FRMD4A: variants seen among roughly 807,000 people sequenced by gnomAD.
FRMD4A encodes the protein FERM domain containing 4A, also known as FERM domain-containing protein 4A.
In FRMD4A, 29 loss-of-function variants were observed where a neutral mutation model predicts 129.1. The ratio of observed to expected loss-of-function variants is 0.22; its 90% CI spans 0.17 to 0.31. The LOEUF is 0.31. Ranked by LOEUF, FRMD4A falls within the 10% of genes least tolerant of loss-of-function variation. The pLI is 1.00. For missense variants in FRMD4A, 1,272 were observed against 1,375.8 expected, an observed-to-expected ratio of 0.92 and a Z score of 1.19; for synonymous variants, 634 against 571.6, an observed-to-expected ratio of 1.11 and a Z score of -1.56.
chr10:13,812,916 G>C (rs947167366), intron 3 of FRMD4A, among the ~76,000 whole-genome samples: 1 of 152,208 alleles, frequency 6.6e-6, no homozygotes, highest in Non-Finnish European at 1.5e-5. Flanking sequence ...CTCACTCCTG[G>C]TGGAACGTCT....
At chr10:14,282,873 TA>T (rs1422720104) in intron 2 of FRMD4A, among the ~76,000 whole-genome samples, 1 of 152,208 alleles carries the variant, frequency 6.6e-6, no homozygotes, top group Non-Finnish European at 1.5e-5. Context: ...AGGGACACCT[TA>T]TTACATAGAC....
chr10:13,825,062 C>G (rs1410667926), intron 3 of FRMD4A, among the ~76,000 whole-genome samples: 1 of 152,100 alleles, frequency 6.6e-6, no homozygotes, highest in African/African-American at 2.4e-5. Flanking sequence ...TGGGTAACAC[C>G]AAACCCTATA....
At chr10:13,775,242 G>A (rs967329105) in intron 6 of FRMD4A, among the ~76,000 whole-genome samples, 8 of 152,148 alleles carry the variant, frequency 5.3e-5, no homozygotes, top group Non-Finnish European at 7.4e-5. Flanking sequence ...AGTGCCCATC[G>A]AACACAGAGT....
chr10:14,217,518 G>T (rs1589181574), intron 2 of FRMD4A, among the ~76,000 whole-genome samples: 1 of 152,142 alleles, frequency 6.6e-6, no homozygotes, highest in Non-Finnish European at 1.5e-5. Flanking sequence ...TGATTGTCAG[G>T]CCTCCCCAGC....
intron 2 of FRMD4A, among the ~76,000 whole-genome samples, chr10:13,929,361 T>C (rs2095168991): frequency 6.6e-6 from 1 of 152,318 alleles, no homozygotes; most frequent in African/African-American, 2.4e-5. Flanking sequence ...GCGTGCTACC[T>C]GGACACCCTT....
intron 2 of FRMD4A, among the ~76,000 whole-genome samples, chr10:14,108,203 C>T (rs566761166): frequency 6.6e-6 from 1 of 152,136 alleles, no homozygotes; most frequent in African/African-American, 2.4e-5. Flanking sequence ...ATTAGCGAGA[C>T]CAGCATCTTT....
intron 2 of FRMD4A, among the ~76,000 whole-genome samples, chr10:13,929,666 G>A (rs374645571): frequency 2.0e-5 from 3 of 152,308 alleles, no homozygotes; most frequent in African/African-American, 7.2e-5. Context: ...TTCTATTAGC[G>A]GTTCTAAGTC....
intron 2 of FRMD4A, among the ~76,000 whole-genome samples, chr10:14,328,626 A>ACG (rs1843382095): frequency 7.0e-6 from 1 of 142,476 alleles, no homozygotes; most frequent in Admixed American, 7.0e-5. Flanking sequence ...ATACATATGC[A>ACG]TGTGTGTGTG....
intron 12 of FRMD4A, among the ~76,000 whole-genome samples, chr10:13,722,410 AAT>A (rs2089502261): frequency 6.6e-6 from 1 of 151,022 alleles, no homozygotes. Context: ...TAAAAAAAAA[AAT>A]TTTTTTTTTT....
At chr10:13,884,176 T>TCACACA (rs1368255816) in intron 2 of FRMD4A, among the ~76,000 whole-genome samples, 1 of 31,116 alleles carries the variant, frequency 3.2e-5, no homozygotes, top group Admixed American at 3.1e-4. Flanking sequence ...ACTCACACAC[T>TCACACA]CACACACACA....
At chr10:13,847,513 T>C (rs12252161) in intron 3 of FRMD4A, among the ~76,000 whole-genome samples, 111,757 of 151,546 alleles carry the variant, frequency 0.74, 41,513 homozygotes, top group Middle Eastern at 0.88. Flanking sequence ...CCTCCCTCCT[T>C]CCCTCCCTCC....
intron 9 of FRMD4A, among the ~76,000 whole-genome samples, chr10:13,746,325 C>T (rs570330909): frequency 2.0e-5 from 3 of 152,308 alleles, no homozygotes; most frequent in East Asian, 3.9e-4. Context: ...ATTCTCCTGC[C>T]TCAGCCTCTT....
chr10:13,767,029 C>T (rs371853659), intron 6 of FRMD4A, among the ~76,000 whole-genome samples: 56 of 152,020 alleles, frequency 3.7e-4, no homozygotes, highest in African/African-American at 1.3e-3. Flanking sequence ...GCCGAGATAG[C>T]GCCACTGCAC....
Position 13,873,318 on chromosome 10 carries a change from T to C in FRMD4A, c.46-14406A>G, listed in dbSNP as rs186533219. Among the ~76,000 whole-genome samples the C allele has an allele frequency of 3.4e-5, 5 of 146,234 alleles. No homozygotes were observed. In the East Asian group the frequency reaches 9.8e-4, roughly 29 times the overall value. On this transcript the variant is annotated intron_variant, in intron 2 of 24. Transcript: ENST00000357447. ...ACTCTCTGGATCTAAAAAAATATAG[T>C]TCATATGGGATGGTGACTTTAAACG...
intron 2 of FRMD4A, among the ~76,000 whole-genome samples, chr10:14,184,455 C>G (rs1842017452): frequency 6.7e-6 from 1 of 149,688 alleles, no homozygotes; most frequent in African/African-American, 2.5e-5. Context: ...AGTTATTTAT[C>G]TAGCTTCTCT....
At chr10:13,764,172 T>A (rs1435622795) in intron 6 of FRMD4A, among the ~76,000 whole-genome samples, 1 of 146,360 alleles carries the variant, frequency 6.8e-6, no homozygotes, top group African/African-American at 2.6e-5. Flanking sequence ...ATCGATCACA[T>A]CCAAAGATTT....
At chr10:13,822,178 C>T (rs1189598165) in intron 3 of FRMD4A, among the ~76,000 whole-genome samples, 1 of 152,188 alleles carries the variant, frequency 6.6e-6, no homozygotes, top group African/African-American at 2.4e-5. Context: ...AGCTAATAAA[C>T]ATATCCATCA....
intron 2 of FRMD4A, among the ~76,000 whole-genome samples, chr10:14,253,682 G>A (rs925196392): frequency 2.0e-5 from 3 of 152,164 alleles, no homozygotes; most frequent in Non-Finnish European, 1.5e-5. Flanking sequence ...ACTGGAGTGT[G>A]GCAGTGACAG....
intron 2 of FRMD4A, among the ~76,000 whole-genome samples, chr10:13,937,383 T>G (rs189828831): frequency 1.1e-4 from 17 of 152,334 alleles, no homozygotes; most frequent in Admixed American, 1.0e-3. Context: ...AGCAGATACC[T>G]AAGAGTTAAC....
Sources: gnomAD v4.1 joint callset for allele counts (sites outside exome capture counted in the v4.1 genomes callset) on GRCh38, gnomAD v4.1.1 for gene constraint, MANE v1.5 for transcripts, NCBI Gene and HGNC (gene_info 2026-07-23, HGNC 2026-07-21) for gene names.